Variants in OR2J1 observed in about 807,000 individuals in gnomAD.
The protein encoded by OR2J1 is olfactory receptor family 2 subfamily J member 1, also known as olfactory receptor 2J1.
A neutral mutation model predicts 10.2 loss-of-function variants in OR2J1; 10 were observed. The observed-to-expected ratio is 0.98, with a 90% CI of 0.60 to 1.66. OR2J1 has a LOEUF of 1.66. Among genes scored for constraint, OR2J1 ranks in the 40% most tolerant of loss-of-function variants. The pLI is 0.00. For synonymous variants in OR2J1, 143 were observed against 138.8 expected (o/e 1.03, Z -0.21); for missense variants, 317 against 379.4 (o/e 0.84, Z 1.37).
At position 29,101,687 on chromosome 6, in the gene OR2J1, G is replaced by A. The variant is rs1216983181; in HGVS notation, c.745G>A (p.Val249Ile). The A allele has an allele frequency of 1.9e-6, 3 of 1,613,630 alleles. No homozygotes were observed. Among genetic ancestry groups the A allele is most frequent in the Non-Finnish European group, 2.5e-6 (3 of 1,179,694 alleles). The change falls in exon 2 of 2, where the codon GTA (valine) becomes ATA (isoleucine). Residue 249 changes from valine to isoleucine, a missense_variant. Coordinates refer to ENST00000641659, the MANE Select transcript of OR2J1 (RefSeq NM_001348294.2). ...LRTCGAHLMV[V>I]SLFFIPVMCM... ...GACATGTGGAGCCCATCTTATGGTT[G>A]TATCTCTCTTTTTCATTCCAGTCAT...
chr6:29,101,679 T>C lies in OR2J1; in HGVS notation c.737T>C (p.Leu246Pro), dbSNP rs1243485733. The C allele has an allele frequency of 6.2e-7, 1 of 1,613,664 alleles. No individual in the cohort carries two copies. The highest frequency in any genetic ancestry group is 8.5e-7 in the Non-Finnish European group (1 of 1,179,684). The change falls in exon 2 of 2, where the codon CTT becomes CCT. Residue 246 changes from leucine to proline, a missense_variant. By Grantham distance (98) the Leu-to-Pro change is moderately conservative (BLOSUM62 -3). Coordinates refer to ENST00000641659, the MANE Select transcript of OR2J1 (RefSeq NM_001348294.2). The part of the protein sequence containing the change: ...QKVLRTCGAH[L>P]MVVSLFFIPV... The stretch of plus-strand genomic sequence containing the variant: ...GTGCTTAGGACATGTGGAGCCCATC[T>C]TATGGTTGTATCTCTCTTTTTCATT...
At position 29,102,292 on chromosome 6, in the gene OR2J1, A is replaced by G. The variant is rs1384271870; in HGVS notation, c.*411A>G. 6.2e-6 allele frequency: 1 copy of G among 160,080 alleles called. No individual in the cohort carries two copies. Among genetic ancestry groups the G allele is most frequent in the African/African-American group, 2.4e-5 (1 of 41,692 alleles). The allele number at this position is 160,080 out of a possible 1,614,324, so 9.9% of individuals were successfully genotyped here. On this transcript the variant is annotated 3_prime_UTR_variant, in exon 2 of 2. Coordinates refer to ENST00000641659, the MANE Select transcript of OR2J1 (RefSeq NM_001348294.2). ...GGCTGAAGAAGTTTTTGGTTATTAA[A>G]TAAACCTTAAATGAAGCTAAAAATA... is the stretch of plus-strand genomic sequence containing the variant.
In OR2J1 at chr6:29,101,140, T is replaced by C. The variant is rs748795281; in HGVS notation, c.198T>C (p.Asn66=). The part of the protein sequence containing the change: ...LHTPMYFFLS[N]LSFLDLCYTT... ...CTCCCATGTACTTCTTCCTTTCAAA[T>C]CTCTCATTTCTGGATCTCTGCTACA... The change falls in exon 2 of 2, where the codon AAT becomes AAC. Residue 66 remains asparagine (N), a synonymous_variant. Transcript: ENST00000641659. 1.0e-5 allele frequency: 16 copies of C among 1,580,798 alleles called. No homozygotes were observed. The highest frequency in any genetic ancestry group is 1.4e-5 in the Non-Finnish European group (16 of 1,149,732).
chr6:29,101,581 C>G lies in OR2J1; in HGVS notation c.639C>G (p.Ile213Met). The G allele has an allele frequency of 1.2e-6, 2 of 1,607,932 alleles. No homozygotes were observed. Among genetic ancestry groups the G allele is most frequent in the Non-Finnish European group, 1.7e-6 (2 of 1,174,382 alleles). The part of the protein sequence containing the change: ...MSSIFVLIPL[I>M]LILTSYGAIA... ...CCATATTTGTTCTCATACCTCTCAT[C>G]CTCATCCTCACTTCCTATGGTGCCA... Residue 213 changes from isoleucine (I) to methionine (M), a missense_variant, in exon 2 of 2, where the codon ATC (isoleucine) becomes ATG (methionine). Ile to Met is a conservative substitution (Grantham distance 10, BLOSUM62 1). Transcript: ENST00000641659.
Position 29,101,164 on chromosome 6 carries a change from C to T in OR2J1, c.222C>T (p.Tyr74=), listed in dbSNP as rs1416004446. 6.3e-7 allele frequency: 1 copy of T among 1,589,854 alleles called. No individual in the cohort carries two copies. The highest frequency in any genetic ancestry group is 1.3e-5 in the African/African-American group (1 of 74,448). ...ATCTCTCATTTCTGGATCTCTGCTACACCACCAGCTCTATCCCTCAGTTGC... is the reference window on the plus strand; with the variant it reads ...ATCTCTCATTTCTGGATCTCTGCTATACCACCAGCTCTATCCCTCAGTTGC... ...LSNLSFLDLC[Y]TTSSIPQLLV... Residue 74 remains tyrosine, a synonymous_variant, in exon 2 of 2, where the codon TAC becomes TAT. Coordinates refer to ENST00000641659, the MANE Select transcript of OR2J1 (RefSeq NM_001348294.2).
In OR2J1 at chr6:29,100,948, G is replaced by C; in HGVS notation, c.6G>C (p.Leu2Phe). Residue 2 changes from leucine (L) to phenylalanine (F), a missense_variant, in exon 2 of 2, where the codon TTG becomes TTC. Transcript: ENST00000641659. ...TAGGTACAGGAAAAATAAGAATGTT[G>C]ATGAAAAAAAATGCAAGTTTTGAAG... Reference protein sequence around the residue: MLMKKNASFEDF... With the variant: MFMKKNASFEDF... 1 of 1,219,708 alleles carries C rather than the reference G, an allele frequency of 8.2e-7. No individual in the cohort carries two copies. The highest frequency in any genetic ancestry group is 1.2e-6 in the Non-Finnish European group (1 of 825,988). 75.6% of individuals were successfully genotyped at this position (1,219,708 alleles called of 1,614,324 possible).
chr6:29,100,714 T>A (rs1335155460), intron 1 of OR2J1, 46 bp from the exon 2 acceptor site: 11 of 430,620 alleles, frequency 2.6e-5, no homozygotes, highest in Non-Finnish European at 4.1e-5. Context: ...CAAGGATGTA[T>A]ATAAAAGAAC....
chr6:29,100,886 T>C lies in OR2J1; in HGVS notation c.-57T>C. The stretch of plus-strand genomic sequence containing the variant: ...CTGTTTGCAAGTGAGCAGTTGGCAA[T>C]GCATGGACAGACTTTGAGTTTATGC... On this transcript the variant is annotated 5_prime_UTR_variant, in exon 2 of 2. It removes an upstream start codon present in the reference 5' UTR. Coordinates refer to ENST00000641659, the MANE Select transcript of OR2J1 (RefSeq NM_001348294.2). The C allele has an allele frequency of 2.5e-6, 2 of 800,958 alleles. No homozygotes were observed. The highest frequency in any genetic ancestry group is 4.2e-6 in the Non-Finnish European group (2 of 471,732). The allele number at this position is 800,958 out of a possible 1,614,324, so 49.6% of individuals were successfully genotyped here. A position where few individuals can be genotyped will look rare whatever the true frequency, so the allele number is the denominator to read the frequency against.
chr6:29,101,884 G>C lies in OR2J1; in HGVS notation c.*3G>C. On this transcript the variant is annotated 3_prime_UTR_variant, in exon 2 of 2. Coordinates refer to ENST00000641659, the MANE Select transcript of OR2J1 (RefSeq NM_001348294.2). ...TGGGGTGGGAATGGGGGATGTGACA[G>C]GGAAATCATGTTGGCTGTTGTTTTT... 9.1e-7 allele frequency: 1 copy of C among 1,102,492 alleles called. No individual in the cohort carries two copies. The highest frequency in any genetic ancestry group is 1.4e-6 in the Non-Finnish European group (1 of 721,420). 68.3% of individuals were successfully genotyped at this position (1,102,492 alleles called of 1,614,324 possible).
intron 1 of OR2J1, among the ~76,000 whole-genome samples, chr6:29,100,397 A>G (rs1402520765): frequency 6.6e-6 from 1 of 152,214 alleles, no homozygotes; most frequent in African/African-American, 2.4e-5. Flanking sequence ...TTCGTCTAGA[A>G]ATAAACTGCT....
At position 29,101,286 on chromosome 6, in the gene OR2J1, T is replaced by C. The variant is rs1340768582; in HGVS notation, c.344T>C (p.Leu115Pro). Reference sequence around the variant, plus strand: ...GCACTGGGAACCGCAGAGTGTGTCCTACTGGTGGTGATGTCCTATGATCGT... The same window carrying C: ...GCACTGGGAACCGCAGAGTGTGTCCCACTGGTGGTGATGTCCTATGATCGT... ...VLALGTAECV[L>P]LVVMSYDRYA... Residue 115 changes from leucine (L) to proline (P), a missense_variant, in exon 2 of 2, where the codon CTA (leucine) becomes CCA (proline). Coordinates refer to ENST00000641659, the MANE Select transcript of OR2J1 (RefSeq NM_001348294.2). The C allele has an allele frequency of 6.2e-7, 1 of 1,601,466 alleles. No homozygotes were observed. The highest frequency in any genetic ancestry group is 2.2e-5 in the East Asian group (1 of 44,852).
At position 29,099,652 on chromosome 6, in the gene OR2J1, A is replaced by G. The variant is rs1452520063; in HGVS notation, c.-390A>G. 2 of 152,220 alleles carry G rather than the reference A, an allele frequency of 1.3e-5. No individual in the cohort carries two copies. The highest frequency in any genetic ancestry group is 2.9e-5 in the Non-Finnish European group (2 of 68,046). 9.4% of individuals were successfully genotyped at this position (152,220 alleles called of 1,614,324 possible). On this transcript the variant is annotated 5_prime_UTR_variant, in exon 1 of 2. Transcript: ENST00000641659. ...TCTTGCAATTTTTCCATGATTTCTC[A>G]AAAGGTAATGATCATTTCATTATCA...
In OR2J1 at chr6:29,102,558, T is replaced by G; in HGVS notation, c.*677T>G. On this transcript the variant is annotated 3_prime_UTR_variant, in exon 2 of 2. Coordinates refer to ENST00000641659, the MANE Select transcript of OR2J1 (RefSeq NM_001348294.2). ...TTCATTAGCTAAATCTTACTGGACA[T>G]GTACTCTCTCCCAGTTTGTGAAATT... 1 of 152,358 alleles carries G rather than the reference T, an allele frequency of 6.6e-6. No individual in the cohort carries two copies. Among genetic ancestry groups the G allele is most frequent in the Non-Finnish European group, 1.5e-5 (1 of 68,050 alleles). The allele number at this position is 152,358 out of a possible 1,614,324, so 9.4% of individuals were successfully genotyped here. A position where few individuals can be genotyped will look rare whatever the true frequency, so the allele number is the denominator to read the frequency against.
chr6:29,100,407 TAG>T (rs1761525200), intron 1 of OR2J1, among the ~76,000 whole-genome samples: 1 of 152,190 alleles, frequency 6.6e-6, no homozygotes, highest in Non-Finnish European at 1.5e-5. Flanking sequence ...AATAAACTGC[TAG>T]CATAAATAAA....
rs1012074555 is a variant in OR2J1, at chr6:29,102,607, C to T, written c.*726C>T. 3 of 152,156 alleles carry T rather than the reference C, an allele frequency of 2.0e-5. No homozygotes were observed. The highest frequency in any genetic ancestry group is 2.1e-4 in the South Asian group (1 of 4,832). The allele number at this position is 152,156 out of a possible 1,614,324, so 9.4% of individuals were successfully genotyped here. On this transcript the variant is annotated 3_prime_UTR_variant, in exon 2 of 2. Transcript: ENST00000641659. ...TTCTTGGTAACATGTATAAATATAA[C>T]ATACTTTGTCTGAACAGAATGCACT... is the stretch of plus-strand genomic sequence containing the variant.
rs1761614431 is a variant in OR2J1 at position 29,101,542 on chromosome 6, C to T, written c.600C>T (p.Leu200=). ...CVDTQANELT[L]MVMSSIFVLI... ...ATACCCAGGCAAATGAGCTGACCCT[C>T]ATGGTCATGAGCTCCATATTTGTTC... Residue 200 remains leucine (L), a synonymous_variant, in exon 2 of 2, where the codon CTC becomes CTT. Coordinates refer to ENST00000641659, the MANE Select transcript of OR2J1 (RefSeq NM_001348294.2). 1.3e-6 allele frequency: 2 copies of T among 1,587,274 alleles called. No individual in the cohort carries two copies. Among genetic ancestry groups the T allele is most frequent in the Non-Finnish European group, 1.7e-6 (2 of 1,155,434 alleles).
At chr6:29,100,100 G>A (rs760806175) in intron 1 of OR2J1, among the ~76,000 whole-genome samples, 6 of 152,106 alleles carry the variant, frequency 3.9e-5, no homozygotes, top group Non-Finnish European at 8.8e-5. Flanking sequence ...TAACAATCCT[G>A]TGTTATACAT....
In OR2J1 at chr6:29,101,026, C is replaced by A. The variant is rs141855056; in HGVS notation, c.84C>A (p.Leu28=). 2 of 1,507,742 alleles carry A rather than the reference C, an allele frequency of 1.3e-6. No homozygotes were observed. The highest frequency in any genetic ancestry group is 4.5e-5 in the East Asian group (2 of 44,298). The allele number at this position is 1,507,742 out of a possible 1,614,324, so 93.4% of individuals were successfully genotyped here. A position where few individuals can be genotyped will look rare whatever the true frequency, so the allele number is the denominator to read the frequency against. Residue 28 remains leucine (L), a synonymous_variant, in exon 2 of 2, where the codon CTC becomes CTA. Transcript: ENST00000641659. ...FSNWPHLEVV[L]FVVILIFYLI... ...ACTGGCCTCATCTGGAAGTAGTTCT[C>A]TTTGTGGTTATCTTGATCTTCTACT... is the stretch of plus-strand genomic sequence containing the variant.
In OR2J1 at chr6:29,102,480, T is replaced by A. The variant is rs1761698235; in HGVS notation, c.*599T>A. 6.6e-6 allele frequency: 1 copy of A among 152,298 alleles called. No homozygotes were observed. 9.4% of individuals were successfully genotyped at this position (152,298 alleles called of 1,614,324 possible). A position where few individuals can be genotyped will look rare whatever the true frequency, so the allele number is the denominator to read the frequency against. On this transcript the variant is annotated 3_prime_UTR_variant, in exon 2 of 2. Transcript: ENST00000641659. ...TGTCACATTGAACAGTAAACTAATA[T>A]CTCTTTAAAATGGCTGATTCGTTCA...
Sources: gnomAD v4.1 joint callset for allele counts (sites outside exome capture counted in the v4.1 genomes callset) on GRCh38, gnomAD v4.1.1 for gene constraint, MANE v1.5 for transcripts, NCBI Gene and HGNC (gene_info 2026-07-23, HGNC 2026-07-21) for gene names.